The following TLE1 variants were observed in gnomAD, a reference collection of about 807,000 sequenced individuals.
TLE1 encodes the protein TLE family member 1, transcriptional corepressor.
A neutral mutation model predicts 89.8 loss-of-function variants in TLE1; 21 were observed. The observed-to-expected ratio is 0.23, with a 90% CI of 0.17 to 0.34. TLE1 has a LOEUF of 0.34. Ranked by LOEUF, TLE1 falls within the 10% of genes least tolerant of loss-of-function variation. The pLI, the probability that TLE1 is intolerant of heterozygous loss-of-function variation, is 1.00. For missense variants in TLE1, 795 were observed against 1,031.2 expected (o/e 0.77, Z 3.14); for synonymous variants, 447 against 407.6 (o/e 1.10, Z -1.16).
In TLE1 at chr9:81,583,817, C is replaced by T. The variant is rs1827982304; in HGVS notation, c.*381G>A. On this transcript the variant is annotated 3_prime_UTR_variant, in exon 20 of 20. Transcript: ENST00000376499. ...GGAAACAAGTTCATTGGAGACACCA[C>T]TGCTCTACAAAGGACGGAAAGTGAG... is the stretch of plus-strand genomic sequence containing the variant. 1 of 187,324 alleles carries T rather than the reference C, an allele frequency of 5.3e-6. No homozygotes were observed. The highest frequency in any genetic ancestry group is 1.1e-5 in the Non-Finnish European group (1 of 88,384). The allele number at this position is 187,324 out of a possible 1,614,324, so 11.6% of individuals were successfully genotyped here.
At position 81,685,148 on chromosome 9, in the gene TLE1, T is replaced by A. The variant is rs572289087; in HGVS notation, c.234+528A>T. 1.2e-3 allele frequency among the ~76,000 whole-genome samples: 184 copies of A among 152,100 alleles called. 1 individual carries two copies. The highest frequency in any genetic ancestry group is 4.0e-3 in the African/African-American group (165 of 41,520). Reference sequence around the variant, plus strand: ...TCCACACCTGCAACAACTGAGAAATTTTTCAAAAATTTGTTTGCTAATAAG... The same window carrying A: ...TCCACACCTGCAACAACTGAGAAATATTTCAAAAATTTGTTTGCTAATAAG... On this transcript the variant is annotated intron_variant, in intron 4 of 19. Coordinates refer to ENST00000376499, the MANE Select transcript of TLE1 (RefSeq NM_005077.5).
intron 14 of TLE1, among the ~76,000 whole-genome samples, chr9:81,608,126 A>G (rs1163761639): frequency 6.6e-6 from 1 of 152,142 alleles, no homozygotes; most frequent in Non-Finnish European, 1.5e-5. Context: ...ATAATTCACC[A>G]TGCTGGGCGT....
chr9:81,616,581 T>C (rs1460427741), intron 10 of TLE1, 65 bp downstream of exon 10: 3 of 1,568,404 alleles, frequency 1.9e-6, no homozygotes, highest in Non-Finnish European at 2.6e-6. Flanking sequence ...CATTCACTGT[T>C]AGTTTTTTTT....
chr9:81,688,323 T>C lies in TLE1; in HGVS notation c.-83A>G, dbSNP rs1241849079. On this transcript the variant is annotated 5_prime_UTR_variant, in exon 1 of 20. Transcript: ENST00000376499. ...CAACTTTAATCCCGCCGAGGAAAAT[T>C]AAGCCGGAAAGCCAAGCAGAAGCGG... 12 of 1,404,366 alleles carry C rather than the reference T, an allele frequency of 8.5e-6. No homozygotes were observed. Among genetic ancestry groups the C allele is most frequent in the Admixed American group, 6.7e-5 (2 of 29,866 alleles). 87.0% of individuals were successfully genotyped at this position (1,404,366 alleles called of 1,614,324 possible). A position where few individuals can be genotyped will look rare whatever the true frequency, so the allele number is the denominator to read the frequency against.
intron 15 of TLE1, among the ~76,000 whole-genome samples, chr9:81,592,544 G>T (rs888671624): frequency 6.6e-6 from 1 of 152,158 alleles, no homozygotes; most frequent in Non-Finnish European, 1.5e-5. Flanking sequence ...CTTTCCTGAA[G>T]TTAAGGCCAT....
chr9:81,598,948 T>G (rs1268904730), intron 14 of TLE1, among the ~76,000 whole-genome samples: 1 of 152,192 alleles, frequency 6.6e-6, no homozygotes, highest in Non-Finnish European at 1.5e-5. Flanking sequence ...CACAGTCAAG[T>G]GCAAGAAGTC....
rs140689682 is a variant in TLE1, at chr9:81,660,978, C to CAAA, written c.235-6943_235-6942insTTT. Among the ~76,000 whole-genome samples, 14 of 121,830 alleles carry CAAA rather than the reference C, an allele frequency of 1.1e-4. No homozygotes were observed. In the East Asian group the frequency reaches 3.1e-3, roughly 27 times the overall value. The allele number at this position is 121,830 out of a possible 152,430, so 79.9% of individuals were successfully genotyped here. On this transcript the variant is annotated intron_variant, in intron 4 of 19. Transcript: ENST00000376499. ...ACACACACACACACACACACACACA[C>CAAA]ATTTAGCCTGGCGTGGTGGCACGTG...
intron 4 of TLE1, among the ~76,000 whole-genome samples, chr9:81,656,472 A>T (rs1489088451): frequency 2.0e-5 from 3 of 152,198 alleles, no homozygotes; most frequent in East Asian, 3.8e-4. Flanking sequence ...TTGAACTCAT[A>T]CACATGCACA....
chr9:81,620,328 T>C, intron 9 of TLE1, 113 bp downstream of exon 9: 1 of 853,492 alleles, frequency 1.2e-6, no homozygotes, highest in East Asian at 2.5e-5. Context: ...CCTCTCCTCT[T>C]TACAGTATTA....
chr9:81,617,231 T>C (rs1322726178), intron 9 of TLE1, among the ~76,000 whole-genome samples: 1 of 151,814 alleles, frequency 6.6e-6, no homozygotes, highest in Admixed American at 6.6e-5. Context: ...AAAAGTAAAT[T>C]AAAAATAAAC....
chr9:81,615,098 AAAAAAAAAAAAAAAAAAAAAAAAG>A (rs1824267524), intron 11 of TLE1, among the ~76,000 whole-genome samples: 1 of 114,008 alleles, frequency 8.8e-6, no homozygotes, highest in South Asian at 2.6e-4. Flanking sequence ...AAAAAAAAAA[AAAAAAAAAAAAAAAAAAAAAAAAG>A]AAGAAGAAGA....
chr9:81,687,525 T>A (rs1050949906), intron 1 of TLE1, 91 bp from the exon 2 acceptor site: 2 of 968,764 alleles, frequency 2.1e-6, no homozygotes, highest in Non-Finnish European at 3.2e-6. Flanking sequence ...GGGTGGGACA[T>A]AAACATAAAG....
intron 19 of TLE1, 23 bp from the exon 20 acceptor site, chr9:81,584,328 T>C: frequency 6.2e-7 from 1 of 1,611,524 alleles, no homozygotes; most frequent in Non-Finnish European, 8.5e-7. Flanking sequence ...ACAATGGACA[T>C]GTGTTTAATG....
At position 81,601,024 on chromosome 9, in the gene TLE1, T is replaced by C. The variant is rs930946421; in HGVS notation, c.1332-7750A>G. ...TGGGATTTCTCAGTCTACACAGTCG[T>C]GTGAGCCAATCCCTCCAAATAACTC... On this transcript the variant is annotated intron_variant, in intron 14 of 19. Transcript: ENST00000376499. Among the ~76,000 whole-genome samples, 3 of 152,312 alleles carry C rather than the reference T, an allele frequency of 2.0e-5. No individual in the cohort carries two copies. In the East Asian group the frequency reaches 5.8e-4, roughly 29 times the overall value.
rs888842733 is a variant in TLE1, at chr9:81,613,313, A to G, written c.1063+64T>C. 4.4e-6 allele frequency: 7 copies of G among 1,588,164 alleles called. No individual in the cohort carries two copies. The African/African-American group carries it at 9.4e-5, about 21-fold the overall frequency. On this transcript the variant is annotated intron_variant, in intron 12 of 19. Coordinates refer to ENST00000376499, the MANE Select transcript of TLE1 (RefSeq NM_005077.5). ...AGGGCAATTGCGTCACAACATTAAC[A>G]GACAACAAATCAAGCTGGGAATGGG...
At chr9:81,585,360 G>T in intron 18 of TLE1, 145 bp downstream of exon 18, 1 of 1,049,902 alleles carries the variant, frequency 9.5e-7, no homozygotes, top group Non-Finnish European at 1.3e-6. Context: ...GCTGTGCTCT[G>T]AAGGGCATAT....
intron 4 of TLE1, among the ~76,000 whole-genome samples, chr9:81,681,980 T>C (rs1276667161): frequency 6.6e-6 from 1 of 151,990 alleles, no homozygotes; most frequent in Non-Finnish European, 1.5e-5. Context: ...GTGTGGTAGC[T>C]CATGCCTGTA....
chr9:81,657,997 C>T (rs1222032471), intron 4 of TLE1, among the ~76,000 whole-genome samples: 1 of 151,032 alleles, frequency 6.6e-6, no homozygotes, highest in Non-Finnish European at 1.5e-5. Context: ...GCAACCTCCA[C>T]CTCCCGGGTT....
chr9:81,635,257 G>T (rs1223017753), intron 6 of TLE1, among the ~76,000 whole-genome samples: 1 of 152,066 alleles, frequency 6.6e-6, no homozygotes, highest in African/African-American at 2.4e-5. Context: ...CTCTTTCATT[G>T]TGACTGATGA....
Sources: gnomAD v4.1 joint callset for allele counts (sites outside exome capture counted in the v4.1 genomes callset) on GRCh38, gnomAD v4.1.1 for gene constraint, MANE v1.5 for transcripts, NCBI Gene and HGNC (gene_info 2026-07-23, HGNC 2026-07-21) for gene names.